OR51A7: variants seen among roughly 807,000 people sequenced by gnomAD.
OR51A7 encodes olfactory receptor 51A7.
For missense variants in OR51A7, 409 were observed against 374.5 expected, an observed-to-expected ratio of 1.09 and a Z score of -0.76; for synonymous variants, 143 against 135.5, an observed-to-expected ratio of 1.05 and a Z score of -0.38.
chr11:4,904,917 T>C (rs1388941962), intron 1 of OR51A7, among the ~76,000 whole-genome samples: 1 of 152,136 alleles, frequency 6.6e-6, no homozygotes, highest in African/African-American at 2.4e-5. Flanking sequence ...CCTTTTAACA[T>C]GGAGTAGTCA....
Position 4,908,491 on chromosome 11 carries a change from T to G in OR51A7, c.*183T>G. Reference sequence around the variant, plus strand: ...CAGGATAGAAAAAAAAGTCAAGAGATATATAAGATATAGAGGTTTAATTAA... The same window carrying G: ...CAGGATAGAAAAAAAAGTCAAGAGAGATATAAGATATAGAGGTTTAATTAA... On this transcript the variant is annotated 3_prime_UTR_variant, in exon 2 of 2. Transcript: ENST00000641490. 1 of 625,588 alleles carries G rather than the reference T, an allele frequency of 1.6e-6. No individual in the cohort carries two copies. The highest frequency in any genetic ancestry group is 1.9e-5 in the South Asian group (1 of 53,042). The allele number at this position is 625,588 out of a possible 1,614,324, so 38.8% of individuals were successfully genotyped here.
In OR51A7 at chr11:4,907,997, T is replaced by C. The variant is rs748966492; in HGVS notation, c.628T>C (p.Leu210=). ...FFIALCTMLD[L]ALIVLSYVLI... is the part of the protein sequence containing the mutation. Reference sequence around the variant, plus strand: ...CATTGCTCTCTGTACTATGCTGGACTTGGCACTGATTGTTTTGTCTTATGT... The same window carrying C: ...CATTGCTCTCTGTACTATGCTGGACCTGGCACTGATTGTTTTGTCTTATGT... Residue 210 remains leucine, a synonymous_variant, in exon 2 of 2, where the codon TTG becomes CTG. Transcript: ENST00000641490. 3 of 1,614,234 alleles carry C rather than the reference T, an allele frequency of 1.9e-6. No individual in the cohort carries two copies. In the East Asian group the frequency reaches 6.7e-5, roughly 36 times the overall value.
rs904895620 is a variant in OR51A7 at position 4,903,817 on chromosome 11, T to C, written c.-59T>C. The C allele has an allele frequency of 2.0e-5, 3 of 152,152 alleles. No homozygotes were observed. Among genetic ancestry groups the C allele is most frequent in the Non-Finnish European group, 4.4e-5 (3 of 67,970 alleles). The allele number at this position is 152,152 out of a possible 1,614,324, so 9.4% of individuals were successfully genotyped here. On this transcript the variant is annotated 5_prime_UTR_variant, in exon 1 of 2. Coordinates refer to ENST00000641490, the MANE Select transcript of OR51A7 (RefSeq NM_001004749.2). ...TGGTTCTGGTAAGGTTAAGGAGCTA[T>C]AAATCCTTTTGGAAACCTAAATCTA...
rs1171253018 is a variant in OR51A7 at position 4,907,954 on chromosome 11, T to C, written c.585T>C (p.Asn195=). The change falls in exon 2 of 2, where the codon AAT becomes AAC. Residue 195 remains asparagine, a synonymous_variant. Coordinates refer to ENST00000641490, the MANE Select transcript of OR51A7 (RefSeq NM_001004749.2). Reference sequence around the variant, plus strand: ...TGGCCTGCTCTGACAACAAGACCAATGTCATCTATGGCTTCTTCATTGCTC... The same window carrying C: ...TGGCCTGCTCTGACAACAAGACCAACGTCATCTATGGCTTCTTCATTGCTC... ...MKLACSDNKT[N]VIYGFFIALC... 6.2e-7 allele frequency: 1 copy of C among 1,614,140 alleles called. No individual in the cohort carries two copies.
Position 4,907,754 on chromosome 11 carries a change from C to T in OR51A7, c.385C>T (p.Pro129Ser), listed in dbSNP as rs1397593425. The T allele has an allele frequency of 1.2e-6, 2 of 1,613,922 alleles. No homozygotes were observed. Among genetic ancestry groups the T allele is most frequent in the Non-Finnish European group, 1.7e-6 (2 of 1,180,012 alleles). ...GGACCGCTTTCTTGCCATTCACAAT[C>T]CCTTAAGATACAGTTCTATCCTCAC... ...SLDRFLAIHN[P>S]LRYSSILTSN... is the part of the protein sequence containing the mutation. Residue 129 changes from proline to serine, a missense_variant, in exon 2 of 2, where the codon CCC (proline) becomes TCC (serine). By Grantham distance (74) the Pro-to-Ser change is moderately conservative (BLOSUM62 -1). Transcript: ENST00000641490.
Position 4,908,441 on chromosome 11 carries a change from T to C in OR51A7, c.*133T>C. 1.3e-6 allele frequency: 1 copy of C among 773,934 alleles called. No homozygotes were observed. Among genetic ancestry groups the C allele is most frequent in the Non-Finnish European group, 2.2e-6 (1 of 455,328 alleles). The allele number at this position is 773,934 out of a possible 1,614,324, so 47.9% of individuals were successfully genotyped here. On this transcript the variant is annotated 3_prime_UTR_variant, in exon 2 of 2. Transcript: ENST00000641490. ...GAAAAGCTATGTAGTGCAGAATTTA[T>C]AATAAAGTTGAGAATATAACTGAAC...
Position 4,907,666 on chromosome 11 carries a change from TC to T in OR51A7, c.298del (p.Gln100LysfsTer17). 6.2e-7 allele frequency: 1 copy of T among 1,614,102 alleles called. No individual in the cohort carries two copies. ...MGISPNACFA[Q>X]EFFIHGFTVM... ...GAATTTCACCTAATGCCTGCTTTGC[TC>T]AAGAATTCTTCATTCATGGATTCAC... On this transcript the variant is annotated frameshift_variant, in exon 2 of 2. Coordinates refer to ENST00000641490, the MANE Select transcript of OR51A7 (RefSeq NM_001004749.2). LOFTEE classifies it low-confidence loss of function (END_TRUNC).
intron 1 of OR51A7, 119 bp from the exon 2 acceptor site, chr11:4,907,220 G>A (rs766455673): frequency 8.9e-6 from 5 of 559,820 alleles, no homozygotes; most frequent in Non-Finnish European, 1.6e-5. Flanking sequence ...AAATTTTGAA[G>A]AGTGCAGTTG....
chr11:4,905,423 T>G (rs911977035), intron 1 of OR51A7, among the ~76,000 whole-genome samples: 1 of 152,140 alleles, frequency 6.6e-6, no homozygotes, highest in East Asian at 1.9e-4. Flanking sequence ...ATGTACTTTT[T>G]TCAATTATCC....
In OR51A7 at chr11:4,909,083, A is replaced by C. The variant is rs35408660; in HGVS notation, c.*775A>C. 0.097 allele frequency: 14,719 copies of C among 152,160 alleles called. 898 individuals carry two copies. Among genetic ancestry groups the C allele is most frequent in the Middle Eastern group, 0.19 (57 of 294 alleles). The allele number at this position is 152,160 out of a possible 1,614,324, so 9.4% of individuals were successfully genotyped here. A position where few individuals can be genotyped will look rare whatever the true frequency, so the allele number is the denominator to read the frequency against. On this transcript the variant is annotated 3_prime_UTR_variant, in exon 2 of 2. Coordinates refer to ENST00000641490, the MANE Select transcript of OR51A7 (RefSeq NM_001004749.2). ...AACTAAGTGACTAAAAGATAATTTTAAACCCCCTATGGTTTTGCTGTTTAG... is the reference window on the plus strand; with the variant it reads ...AACTAAGTGACTAAAAGATAATTTTCAACCCCCTATGGTTTTGCTGTTTAG...
At chr11:4,905,071 C>T (rs73405071) in intron 1 of OR51A7, among the ~76,000 whole-genome samples, 6,813 of 151,930 alleles carry the variant, frequency 0.045, 509 homozygotes, top group African/African-American at 0.16. Flanking sequence ...CAGCAAAAGA[C>T]GAAAATAAAA....
At position 4,907,398 on chromosome 11, in the gene OR51A7, A is replaced by G. The variant is rs755566316; in HGVS notation, c.29A>G (p.Lys10Arg). 8 of 1,613,548 alleles carry G rather than the reference A, an allele frequency of 5.0e-6. No homozygotes were observed. In the South Asian group the frequency reaches 5.5e-5, roughly 11 times the overall value. ...TCTGTTCTCAATAACTCCGAAGTCA[A>G]GCTTTTCCTTCTGATTGGGATCCCA... MSVLNNSEV[K>R]LFLLIGIPGL... The change falls in exon 2 of 2, where the codon AAG becomes AGG. Residue 10 changes from lysine to arginine, a missense_variant. Coordinates refer to ENST00000641490, the MANE Select transcript of OR51A7 (RefSeq NM_001004749.2).
chr11:4,904,272 T>A (rs1564803709), intron 1 of OR51A7, among the ~76,000 whole-genome samples: 1 of 152,082 alleles, frequency 6.6e-6, no homozygotes, highest in Non-Finnish European at 1.5e-5. Flanking sequence ...TTTCCCAGAT[T>A]CACACAGGGT....
Position 4,908,291 on chromosome 11 carries a change from A to G in OR51A7, c.922A>G (p.Asn308Asp). The G allele has an allele frequency of 6.2e-7, 1 of 1,613,934 alleles. No individual in the cohort carries two copies. Among genetic ancestry groups the G allele is most frequent in the Non-Finnish European group, 8.5e-7 (1 of 1,179,858 alleles). The change falls in exon 2 of 2, where the codon AAT becomes GAT. Residue 308 changes from asparagine (N) to aspartate (D), a missense_variant. Asn to Asp is a conservative substitution (Grantham distance 23). Coordinates refer to ENST00000641490, the MANE Select transcript of OR51A7 (RefSeq NM_001004749.2). ...GGAGAAGATCTTGGGGAAGTTGCTT[A>G]ATGTATGTGGGAGATAAGAACTTGA... ...IWEKILGKLL[N>D]VCGR
chr11:4,907,915 G>A lies in OR51A7; in HGVS notation c.546G>A (p.Gln182=). The change falls in exon 2 of 2, where the codon CAG becomes CAA. Residue 182 remains glutamine, a synonymous_variant. Transcript: ENST00000641490. The part of the protein sequence containing the change: ...NLLSHSYCLH[Q]DTMKLACSDN... ...TTTCTCACTCATACTGTCTTCATCA[G>A]GATACCATGAAGCTGGCCTGCTCTG... 6.2e-7 allele frequency: 1 copy of A among 1,614,026 alleles called. No individual in the cohort carries two copies. Among genetic ancestry groups the A allele is most frequent in the South Asian group, 1.1e-5 (1 of 91,076 alleles).
rs745629862 is a variant in OR51A7, at chr11:4,907,916, G to A, written c.547G>A (p.Asp183Asn). 6.8e-6 allele frequency: 11 copies of A among 1,613,852 alleles called. No individual in the cohort carries two copies. In the Admixed American group the frequency reaches 1.8e-4, roughly 27 times the overall value. Residue 183 changes from aspartate to asparagine, a missense_variant, in exon 2 of 2, where the codon GAT becomes AAT. By Grantham distance (23) the Asp-to-Asn change is conservative. Transcript: ENST00000641490. ...TTCTCACTCATACTGTCTTCATCAG[G>A]ATACCATGAAGCTGGCCTGCTCTGA... ...LLSHSYCLHQ[D>N]TMKLACSDNK...
chr11:4,906,049 A>G (rs1023620858), intron 1 of OR51A7, among the ~76,000 whole-genome samples: 1 of 152,190 alleles, frequency 6.6e-6, no homozygotes, highest in African/African-American at 2.4e-5. Flanking sequence ...TCCAATCAAG[A>G]TGGATAAGAT....
intron 1 of OR51A7, among the ~76,000 whole-genome samples, chr11:4,907,095 T>TAAA (rs3065178): frequency 0.27 from 14,688 of 55,016 alleles, 2,904 homozygotes; most frequent in East Asian, 0.69. Flanking sequence ...AAACTCCCTC[T>TAAA]AAAAAAAAAA....
chr11:4,907,466 C>T lies in OR51A7; in HGVS notation c.97C>T (p.Leu33Phe), dbSNP rs1850914564. The T allele has an allele frequency of 6.2e-7, 1 of 1,613,922 alleles. No individual in the cohort carries two copies. Among genetic ancestry groups the T allele is most frequent in the Admixed American group, 1.7e-5 (1 of 59,994 alleles). Residue 33 changes from leucine to phenylalanine, a missense_variant, in exon 2 of 2, where the codon CTC becomes TTC. By Grantham distance (22) the Leu-to-Phe change is conservative. Transcript: ENST00000641490. ...CATTTGGTTCTCCATCCCCATTTGCCTCATGTACCTGCTTGCCATCATGGG... is the reference window on the plus strand; with the variant it reads ...CATTTGGTTCTCCATCCCCATTTGCTTCATGTACCTGCTTGCCATCATGGG... ...AHIWFSIPICLMYLLAIMGNC... is the reference protein window; with the variant it reads ...AHIWFSIPICFMYLLAIMGNC...
Sources: gnomAD v4.1 joint callset for allele counts (sites outside exome capture counted in the v4.1 genomes callset) on GRCh38, gnomAD v4.1.1 for gene constraint, MANE v1.5 for transcripts, NCBI Gene and HGNC (gene_info 2026-07-23, HGNC 2026-07-21) for gene names.